MTA3: variants seen among roughly 807,000 people sequenced by gnomAD.
The protein encoded by MTA3 is metastasis-associated protein MTA3.
A neutral mutation model predicts 83.5 loss-of-function variants in MTA3; 34 were observed. The observed-to-expected ratio is 0.41, with a 90% CI of 0.31 to 0.54. The LOEUF (loss-of-function observed/expected upper bound fraction) is 0.54. Ranked by LOEUF, MTA3 falls within the 20% of genes least tolerant of loss-of-function variation. The pLI is 0.33. For missense variants in MTA3, 761 were observed against 726.4 expected, an observed-to-expected ratio of 1.05 and a Z score of -0.55; for synonymous variants, 303 against 252.7, an observed-to-expected ratio of 1.20 and a Z score of -1.89.
At chr2:42,570,193 G>A (rs1573003403) in intron 1 of MTA3, among the ~76,000 whole-genome samples, 1 of 152,004 alleles carries the variant, frequency 6.6e-6, no homozygotes, top group Non-Finnish European at 1.5e-5. Flanking sequence ...ATGACGTATT[G>A]GGACAGAAGT....
chr2:42,708,809 T>A, intron 13 of MTA3, 65 bp from the exon 14 acceptor site: 2 of 1,539,686 alleles, frequency 1.3e-6, no homozygotes, highest in Non-Finnish European at 1.8e-6. Context: ...TTGAGCATGA[T>A]GCAAACAGTA....
intron 2 of MTA3, among the ~76,000 whole-genome samples, chr2:42,562,389 G>A (rs113751740): frequency 0.011 from 1,643 of 152,110 alleles, 35 homozygotes; most frequent in African/African-American, 0.038. Context: ...GTCCCTTTCC[G>A]TCTCCTTCTG....
At chr2:42,621,733 C>T (rs1377214218) in intron 4 of MTA3, among the ~76,000 whole-genome samples, 4 of 150,614 alleles carry the variant, frequency 2.7e-5, no homozygotes, top group Non-Finnish European at 5.9e-5. Flanking sequence ...CCTCACTTCT[C>T]AGACGGGGCG....
chr2:42,721,178 G>C (rs1025278315), intron 15 of MTA3, among the ~76,000 whole-genome samples: 3 of 151,926 alleles, frequency 2.0e-5, no homozygotes, highest in Non-Finnish European at 4.4e-5. Context: ...GGAACACCAA[G>C]ATGGGTAAGA....
chr2:42,630,829 TCAAAG>T (rs935457678), intron 4 of MTA3, among the ~76,000 whole-genome samples: 1 of 152,184 alleles, frequency 6.6e-6, no homozygotes, highest in African/African-American at 2.4e-5. Flanking sequence ...TCTCCATTGG[TCAAAG>T]CAGGGAGGTT....
chr2:42,696,275 C>A (rs1693382548), intron 10 of MTA3, among the ~76,000 whole-genome samples: 1 of 151,968 alleles, frequency 6.6e-6, no homozygotes, highest in African/African-American at 2.4e-5. Context: ...GTGGCTATAC[C>A]CCCGAAATCC....
At chr2:42,583,777 T>G (rs1308494932) in intron 3 of MTA3, among the ~76,000 whole-genome samples, 3 of 151,930 alleles carry the variant, frequency 2.0e-5, no homozygotes, top group African/African-American at 7.3e-5. Flanking sequence ...GTGATCCTCT[T>G]GCCTTGGCCT....
intron 2 of MTA3, among the ~76,000 whole-genome samples, chr2:42,560,579 A>T (rs1677622541): frequency 6.6e-6 from 1 of 151,072 alleles, no homozygotes; most frequent in Non-Finnish European, 1.5e-5. Flanking sequence ...ACAACAAAAC[A>T]AAAAACAAAC....
At chr2:42,644,845 G>C (rs1039465635) in intron 6 of MTA3, among the ~76,000 whole-genome samples, 1 of 152,146 alleles carries the variant, frequency 6.6e-6, no homozygotes, top group South Asian at 2.1e-4. Flanking sequence ...TGTGTGTTCT[G>C]AGTGCTCCAC....
At chr2:42,547,438 G>C (rs541415795) in intron 2 of MTA3, among the ~76,000 whole-genome samples, 1 of 152,344 alleles carries the variant, frequency 6.6e-6, no homozygotes, top group Admixed American at 6.5e-5. Context: ...AGCGATTCTC[G>C]TGCCTCAGCC....
intron 16 of MTA3, among the ~76,000 whole-genome samples, chr2:42,748,201 T>G (rs6720280): frequency 0.024 from 3,284 of 137,646 alleles, 97 homozygotes; most frequent in East Asian, 0.044. Context: ...GCTAATGTGT[T>G]TGTGTGTGTG....
chr2:42,588,009 GC>G lies in MTA3; in HGVS notation c.190+8810del, dbSNP rs201818788. Among the ~76,000 whole-genome samples the G allele has an allele frequency of 7.5e-4, 114 of 152,060 alleles. 3 individuals are homozygous for G. In the East Asian group the frequency reaches 0.02, roughly 26 times the overall value. The stretch of plus-strand genomic sequence containing the variant: ...TATTTACATTTTCTGAGTTCATAAG[GC>G]TCAGAGTCTTAACATTTTTCCTTGG... On this transcript the variant is annotated intron_variant, in intron 3 of 16. Coordinates refer to ENST00000405094, the MANE Select transcript of MTA3 (RefSeq NM_001330442.2).
chr2:42,602,969 T>C (rs6544573), intron 3 of MTA3, among the ~76,000 whole-genome samples: 117,672 of 151,970 alleles, frequency 0.77, 46,239 homozygotes, highest in African/African-American at 0.9. Context: ...CAGAGTATGC[T>C]GTGTAATTTT....
chr2:42,692,211 C>A (rs1283234091), intron 9 of MTA3, among the ~76,000 whole-genome samples: 2 of 152,120 alleles, frequency 1.3e-5, no homozygotes, highest in East Asian at 3.9e-4. Flanking sequence ...TGTCTTCAGG[C>A]TCAATAATTC....
chr2:42,558,562 T>A (rs1677509804), intron 2 of MTA3, among the ~76,000 whole-genome samples: 1 of 150,674 alleles, frequency 6.6e-6, no homozygotes, highest in South Asian at 2.1e-4. Context: ...TAAAAAAATT[T>A]TTTTTTTTTT....
rs147210753 is a variant in MTA3, at chr2:42,741,207, A to G, written c.1760-12167A>G. On this transcript the variant is annotated intron_variant, in intron 16 of 16. Coordinates refer to ENST00000405094, the MANE Select transcript of MTA3 (RefSeq NM_001330442.2). The stretch of plus-strand genomic sequence containing the variant: ...AGCTTCCTCACCTCTCTCAGTCTTC[A>G]TAGAATTGAAGAGAGTTAGGGCCCT... Among the ~76,000 whole-genome samples, 44 of 152,344 alleles carry G rather than the reference A, an allele frequency of 2.9e-4. 1 individual carries two copies. The East Asian group carries it at 7.9e-3, about 27-fold the overall frequency.
chr2:42,605,817 C>A (rs867814443), intron 3 of MTA3, among the ~76,000 whole-genome samples: 8 of 127,410 alleles, frequency 6.3e-5, no homozygotes, highest in African/African-American at 1.8e-4. Flanking sequence ...AGCTCCCAGA[C>A]GGGGCGGCTG....
At chr2:42,507,565 G>A (rs1424448047) in intron 2 of MTA3, among the ~76,000 whole-genome samples, 1 of 151,380 alleles carries the variant, frequency 6.6e-6, no homozygotes, top group African/African-American at 2.4e-5. Flanking sequence ...CCTATCTTTT[G>A]TTGGTTATTA....
At chr2:42,718,352 AT>A (rs1393460495) in intron 14 of MTA3, among the ~76,000 whole-genome samples, 3 of 151,836 alleles carry the variant, frequency 2.0e-5, no homozygotes, top group South Asian at 4.2e-4. Context: ...GGTTCAAGCA[AT>A]TCTCCTGCCT....
Sources: allele counts gnomAD v4.1 joint callset (sites outside exome capture counted in the v4.1 genomes callset), GRCh38; gene constraint gnomAD v4.1.1; transcripts MANE v1.5; gene names NCBI Gene and HGNC (gene_info 2026-07-23, HGNC 2026-07-21).